BLTP1: variants seen among roughly 807,000 people sequenced by gnomAD.
The protein encoded by BLTP1 is fragile site-associated protein.
At chr4:122,325,944 T>G in the BLTP1 span, 2 of 787,270 alleles carry the variant, frequency 2.5e-6, no homozygotes, top group Non-Finnish European at 3.6e-6. Flanking sequence ...ATATAAATTT[T>G]GCTTTAAAAC....
At chr4:122,175,082 A>G in the BLTP1 span, 1 of 953,928 alleles carries the variant, frequency 1.0e-6, no homozygotes, top group Non-Finnish European at 1.2e-6. Flanking sequence ...AAACACAAAT[A>G]TGAATATAAT....
the BLTP1 span, among the ~76,000 whole-genome samples, chr4:122,162,931 C>T: frequency 6.6e-6 from 1 of 152,128 alleles, no homozygotes; most frequent in African/African-American, 2.4e-5. Context: ...GTTCCTCTTT[C>T]TATCAAAAGC....
the BLTP1 span, among the ~76,000 whole-genome samples, chr4:122,253,654 G>C: frequency 6.6e-6 from 1 of 152,070 alleles, no homozygotes; most frequent in Non-Finnish European, 1.5e-5. Context: ...ACAAGATCTA[G>C]AAAATAGCCT....
the BLTP1 span, among the ~76,000 whole-genome samples, chr4:122,157,418 G>C: frequency 1.1e-4 from 16 of 152,260 alleles, no homozygotes; most frequent in South Asian, 3.1e-3. Context: ...ACAGGGGTGG[G>C]GTTGGTGGGG....
the BLTP1 span, chr4:122,270,344 A>C: frequency 1.0e-6 from 1 of 984,766 alleles, no homozygotes; most frequent in South Asian, 4.7e-5. Context: ...AGAGGGAAAA[A>C]TACCTTTTTA....
At chr4:122,224,980 A>G in the BLTP1 span, 1 of 1,052,076 alleles carries the variant, frequency 9.5e-7, no homozygotes, top group African/African-American at 1.7e-5. Flanking sequence ...TCATTAATAT[A>G]TTATTAAAAT....
the BLTP1 span, among the ~76,000 whole-genome samples, chr4:122,319,697 T>C: frequency 1.1e-4 from 17 of 151,556 alleles, no homozygotes; most frequent in Admixed American, 9.9e-4. Flanking sequence ...CCCACCACCA[T>C]ACCTGGCTAA....
At chr4:122,168,909 G>T in the BLTP1 span, among the ~76,000 whole-genome samples, 1 of 152,060 alleles carries the variant, frequency 6.6e-6, no homozygotes, top group Admixed American at 6.6e-5. Flanking sequence ...AACATAATGT[G>T]TTGTAGATTG....
At chr4:122,308,187 G>A in the BLTP1 span, 11 of 1,609,574 alleles carry the variant, frequency 6.8e-6, no homozygotes, top group East Asian at 1.8e-4. Flanking sequence ...CATATTCCAG[G>A]ATTAAGAGCC....
chr4:122,184,123 A>G, the BLTP1 span, among the ~76,000 whole-genome samples: 1 of 152,212 alleles, frequency 6.6e-6, no homozygotes, highest in African/African-American at 2.4e-5. Flanking sequence ...ATGCACCTAA[A>G]GTAAATCTCT....
chr4:122,313,990 AC>A, the BLTP1 span: 6 of 927,944 alleles, frequency 6.5e-6, no homozygotes, highest in Non-Finnish European at 7.7e-6. Context: ...AGGCACATGT[AC>A]AAAATTACAT....
At chr4:122,345,932 A>G in the BLTP1 span, 1 of 687,178 alleles carries the variant, frequency 1.5e-6, no homozygotes, top group African/African-American at 1.9e-5. Flanking sequence ...TTTAGCTTAG[A>G]TGACTGAAGG....
chr4:122,289,781 A>G, the BLTP1 span: 302 of 981,560 alleles, frequency 3.1e-4, 10 homozygotes, highest in East Asian at 0.02. Flanking sequence ...AATTGGCATC[A>G]AAAGGAGTTT....
At chr4:122,359,184 A>G in the BLTP1 span, 14 of 256,692 alleles carry the variant, frequency 5.5e-5, no homozygotes, top group African/African-American at 2.1e-4. Flanking sequence ...ACATGTATAC[A>G]TATGTAACTA....
At chr4:122,348,069 T>C in the BLTP1 span, among the ~76,000 whole-genome samples, 1 of 152,086 alleles carries the variant, frequency 6.6e-6, no homozygotes, top group Non-Finnish European at 1.5e-5. Flanking sequence ...TTGTGCCTGA[T>C]TGTATAAAAA....
chr4:122,262,799 T>C, the BLTP1 span: 189 of 1,612,860 alleles, frequency 1.2e-4, no homozygotes, highest in Non-Finnish European at 1.6e-4. Flanking sequence ...GCTATACCAG[T>C]GGAGACACTG....
the BLTP1 span, chr4:122,243,742 A>G: frequency 6.2e-6 from 8 of 1,293,826 alleles, no homozygotes; most frequent in South Asian, 1.7e-4. Context: ...GTCAAGTCCA[A>G]TTCCATAAAA....
chr4:122,315,126 T>G, the BLTP1 span, among the ~76,000 whole-genome samples: 1 of 152,178 alleles, frequency 6.6e-6, no homozygotes, highest in African/African-American at 2.4e-5. Context: ...TATCTTATTT[T>G]TCCAACTTTG....
the BLTP1 span, among the ~76,000 whole-genome samples, chr4:122,278,735 A>G: frequency 6.6e-6 from 1 of 152,150 alleles, no homozygotes; most frequent in Non-Finnish European, 1.5e-5. Flanking sequence ...GGGTTCACGC[A>G]ATCCTCCCAC....
Sources: gnomAD v4.1 joint callset for allele counts (sites outside exome capture counted in the v4.1 genomes callset) on GRCh38, gnomAD v4.1.1 for gene constraint, MANE v1.5 for transcripts, NCBI Gene and HGNC (gene_info 2026-07-23, HGNC 2026-07-21) for gene names.